Variants in ZNF600 observed in about 807,000 individuals in gnomAD.
ZNF600 encodes the protein zinc finger protein KR-ZNF1.
Under a neutral mutation model 7.3 loss-of-function variants are expected in ZNF600, and 4 were observed. The ratio of observed to expected loss-of-function variants is 0.55; its 90% CI spans 0.27 to 1.25. The LOEUF is 1.25. ZNF600 is among the 50% of genes most tolerant of loss of function. ZNF600 has a pLI of 0.12. For synonymous variants in ZNF600, 290 were observed against 308.9 expected, an observed-to-expected ratio of 0.94 and a Z score of 0.64; for missense variants, 911 against 922.1, an observed-to-expected ratio of 0.99 and a Z score of 0.16.
At chr19:52,769,762 C>T (rs1325448811) in intron 3 of ZNF600, among the ~76,000 whole-genome samples, 1 of 152,114 alleles carries the variant, frequency 6.6e-6, no homozygotes, top group Non-Finnish European at 1.5e-5. Flanking sequence ...ACCAGGTTGA[C>T]CAGGCTGGTC....
the ZNF600 span, chr19:52,798,410 T>C: frequency 2.5e-6 from 1 of 396,390 alleles, no homozygotes; most frequent in Non-Finnish European, 5.0e-6. Context: ...TAATGCTTGA[T>C]GGCTTGCTAT....
chr19:52,785,767 GCT>G (rs2062758422), intron 1 of ZNF600, among the ~76,000 whole-genome samples: 1 of 152,004 alleles, frequency 6.6e-6, no homozygotes, highest in Admixed American at 6.6e-5. Flanking sequence ...GCACCACTCT[GCT>G]CTGTCTGCCC....
At chr19:52,799,123 G>C in the ZNF600 span, 40 of 406,642 alleles carry the variant, frequency 9.8e-5, no homozygotes, top group African/African-American at 6.9e-4. Flanking sequence ...GCAGTATGAA[G>C]ACTATGATGA....
At chr19:52,810,263 C>A in the ZNF600 span, 1 of 1,366,872 alleles carries the variant, frequency 7.3e-7, no homozygotes, top group Non-Finnish European at 1.0e-6. Flanking sequence ...GCAATGCTGG[C>A]CCAGTGATCA....
rs1451447917 is a variant in ZNF600, at chr19:52,777,871, C to T, written c.63+955G>A. On this transcript the variant is annotated intron_variant, in intron 2 of 3. Coordinates refer to ENST00000648973, the Ensembl canonical transcript of ZNF600. ...AGATAGAGAGATACATATATACATA[C>T]ATACGGTGACCCATGCCTATCACTC... 1.1e-4 allele frequency among the ~76,000 whole-genome samples: 16 copies of T among 152,192 alleles called. No individual in the cohort carries two copies. In the South Asian group the frequency reaches 3.1e-3, roughly 30 times the overall value.
upstream of ZNF600, among the ~76,000 whole-genome samples, chr19:52,787,203 G>A (rs981341799): frequency 6.6e-6 from 1 of 152,190 alleles, no homozygotes; most frequent in Non-Finnish European, 1.5e-5. Context: ...GGAGAGCTCA[G>A]GCCAGGGAGG....
chr19:52,808,256 G>A, the ZNF600 span: 1,088 of 1,505,602 alleles, frequency 7.2e-4, no homozygotes, highest in Middle Eastern at 0.013. Context: ...TCCGAGTGAC[G>A]GATTTTTCAC....
chr19:52,829,268 GGTTA>G, the ZNF600 span, among the ~76,000 whole-genome samples: 1 of 150,830 alleles, frequency 6.6e-6, no homozygotes, highest in African/African-American at 2.5e-5. Flanking sequence ...ACATTGTGCA[GGTTA>G]GTTACATATG....
chr19:52,801,070 C>A, the ZNF600 span: 1 of 1,614,148 alleles, frequency 6.2e-7, no homozygotes, highest in Non-Finnish European at 8.5e-7. Flanking sequence ...CGATGGCATG[C>A]AAGGTATCGC....
chr19:52,796,695 G>A, the ZNF600 span, among the ~76,000 whole-genome samples: 59 of 152,254 alleles, frequency 3.9e-4, no homozygotes, highest in African/African-American at 1.3e-3. Context: ...CTTGAATACC[G>A]GGGCTCACAT....
upstream of ZNF600, among the ~76,000 whole-genome samples, chr19:52,787,654 C>T (rs2062776659): frequency 6.6e-6 from 1 of 151,138 alleles, no homozygotes. Flanking sequence ...GTCAGGAGAT[C>T]GAGACCATCC....
intron 3 of ZNF600, among the ~76,000 whole-genome samples, chr19:52,770,062 A>G (rs1377641696): frequency 6.6e-6 from 1 of 152,224 alleles, no homozygotes; most frequent in Admixed American, 6.5e-5. Context: ...AACCACCAGC[A>G]CACAATATAA....
intron 3 of ZNF600, among the ~76,000 whole-genome samples, chr19:52,770,783 T>C (rs552652850): frequency 2.0e-4 from 31 of 152,302 alleles, no homozygotes; most frequent in African/African-American, 7.5e-4. Flanking sequence ...AATTTGGTCA[T>C]GGGTGTTGAC....
chr19:52,814,043 T>C, the ZNF600 span, among the ~76,000 whole-genome samples: 1 of 146,510 alleles, frequency 6.8e-6, no homozygotes, highest in Non-Finnish European at 1.5e-5. Flanking sequence ...AAGAAAAAAC[T>C]TTTTTAAGTT....
chr19:52,792,225 G>C, the ZNF600 span, among the ~76,000 whole-genome samples: 1 of 152,182 alleles, frequency 6.6e-6, no homozygotes, highest in East Asian at 1.9e-4. Flanking sequence ...TAATCACACA[G>C]AACAGGCAAT....
the ZNF600 span, chr19:52,800,853 A>G: frequency 1.2e-6 from 2 of 1,613,726 alleles, no homozygotes; most frequent in African/African-American, 1.3e-5. Context: ...TTTGTCACAA[A>G]CCTTACATTT....
chr19:52,807,306 G>A, the ZNF600 span, among the ~76,000 whole-genome samples: 1 of 152,110 alleles, frequency 6.6e-6, no homozygotes, highest in African/African-American at 2.4e-5. Context: ...GATGAATCTA[G>A]GAAAATATTT....
the ZNF600 span, chr19:52,800,785 G>A: frequency 1.2e-6 from 2 of 1,614,042 alleles, no homozygotes; most frequent in Non-Finnish European, 1.7e-6. Flanking sequence ...CACTTGTAAG[G>A]TTTCTCTCCA....
the ZNF600 span, among the ~76,000 whole-genome samples, chr19:52,831,230 T>C: frequency 6.6e-6 from 1 of 152,094 alleles, no homozygotes; most frequent in Admixed American, 6.5e-5. Context: ...TAGGTAGAGA[T>C]GTGTCTGTGG....
Sources: allele counts gnomAD v4.1 joint callset (sites outside exome capture counted in the v4.1 genomes callset), GRCh38; gene constraint gnomAD v4.1.1; transcripts MANE v1.5; gene names NCBI Gene and HGNC (gene_info 2026-07-23, HGNC 2026-07-21).